Variants in CREB3L1 observed in about 807,000 individuals in gnomAD.
CREB3L1 encodes cAMP responsive element binding protein 3 like 1.
In CREB3L1, 33 loss-of-function variants were observed where a neutral mutation model predicts 54.5. That is an observed-to-expected ratio of 0.61 (90% CI 0.46 to 0.81). The LOEUF is 0.81. Ranked by LOEUF, CREB3L1 falls within the 30% of genes least tolerant of loss-of-function variation. The pLI is 0.00. For missense variants in CREB3L1, 656 were observed against 673.3 expected (o/e 0.97, Z 0.29); for synonymous variants, 284 against 286.4 (o/e 0.99, Z 0.08).
chr11:46,310,871 C>T, intron 4 of CREB3L1, 161 bp from the exon 5 acceptor site: 1 of 1,084,348 alleles, frequency 9.2e-7, no homozygotes, highest in South Asian at 2.1e-5. Flanking sequence ...GTCTTTCTGA[C>T]CCTGCAGAGG....
intron 2 of CREB3L1, among the ~76,000 whole-genome samples, chr11:46,306,276 G>A (rs1413469345): frequency 6.6e-6 from 1 of 152,138 alleles, no homozygotes; most frequent in Non-Finnish European, 1.5e-5. Flanking sequence ...AGCACTTCAG[G>A]AGGCCGAGGT....
rs772428697 is a variant in CREB3L1, at chr11:46,320,400, C to T, written c.1395C>T (p.Asp465=). ...PGGPAEQRPR[D]HLQHDHLDST... is the part of the protein sequence containing the mutation. ...GGCCGGCAGAGCAGCGGCCCCGGGA[C>T]CACCTGCAGCATGATCACCTGGACA... Residue 465 remains aspartate (D), a synonymous_variant, in exon 11 of 12, where the codon GAC becomes GAT. Transcript: ENST00000621158. 1.2e-6 allele frequency: 2 copies of T among 1,611,186 alleles called. No individual in the cohort carries two copies. Among genetic ancestry groups the T allele is most frequent in the Non-Finnish European group, 1.7e-6 (2 of 1,178,774 alleles).
At chr11:46,310,118 A>T in intron 4 of CREB3L1, 51 bp downstream of exon 4, 2 of 1,346,588 alleles carry the variant, frequency 1.5e-6, no homozygotes, top group Non-Finnish European at 2.1e-6. Flanking sequence ...ATAGGCAGAT[A>T]GCATCCCCAC....
chr11:46,308,453 C>T (rs2136352292), intron 3 of CREB3L1, among the ~76,000 whole-genome samples: 1 of 152,364 alleles, frequency 6.6e-6, no homozygotes, highest in Admixed American at 6.5e-5. Context: ...CCCACACTCT[C>T]AGGCTGAACT....
chr11:46,317,096 TCC>T (rs1433970296), intron 9 of CREB3L1, among the ~76,000 whole-genome samples: 34 of 152,212 alleles, frequency 2.2e-4, no homozygotes, highest in African/African-American at 7.7e-4. Flanking sequence ...GTAAGGGGAC[TCC>T]ACATTGGCCA....
At chr11:46,315,287 T>C in intron 8 of CREB3L1, 1 of 220,056 alleles carries the variant, frequency 4.5e-6, no homozygotes, top group Admixed American at 5.9e-5. Flanking sequence ...CCAAAGTAGG[T>C]CCAAGCCCTT....
chr11:46,313,290 C>T (rs534219867), intron 8 of CREB3L1, among the ~76,000 whole-genome samples: 7 of 152,296 alleles, frequency 4.6e-5, no homozygotes, highest in African/African-American at 4.8e-5. Context: ...AAGCCCTCCA[C>T]GTAATTAGGT....
At chr11:46,280,148 A>T (rs1938945364) in intron 1 of CREB3L1, among the ~76,000 whole-genome samples, 1 of 150,848 alleles carries the variant, frequency 6.6e-6, no homozygotes, top group African/African-American at 2.4e-5. Context: ...GGGACAATTC[A>T]GAAAAGTGAC....
At chr11:46,317,104 G>A (rs1043145085) in intron 9 of CREB3L1, among the ~76,000 whole-genome samples, 2 of 152,156 alleles carry the variant, frequency 1.3e-5, no homozygotes, top group Non-Finnish European at 2.9e-5. Context: ...ACTCCACATT[G>A]GCCACTTCCC....
intron 3 of CREB3L1, among the ~76,000 whole-genome samples, chr11:46,309,168 A>G (rs1240309767): frequency 1.3e-5 from 2 of 152,150 alleles, no homozygotes; most frequent in African/African-American, 4.8e-5. Flanking sequence ...GATGTAGACC[A>G]AGGAATCTCC....
intron 1 of CREB3L1, among the ~76,000 whole-genome samples, chr11:46,299,668 A>G (rs548376810): frequency 5.9e-5 from 9 of 152,304 alleles, no homozygotes; most frequent in Admixed American, 2.0e-4. Flanking sequence ...TCACCCTTGC[A>G]GATAACAATG....
At chr11:46,313,830 C>T (rs546377007) in intron 8 of CREB3L1, among the ~76,000 whole-genome samples, 3 of 152,168 alleles carry the variant, frequency 2.0e-5, no homozygotes, top group African/African-American at 7.2e-5. Context: ...GTAGCAGCCA[C>T]GTCAAGTCAC....
chr11:46,301,392 C>T (rs1399718658), intron 2 of CREB3L1, among the ~76,000 whole-genome samples: 3 of 151,992 alleles, frequency 2.0e-5, no homozygotes, highest in Admixed American at 6.6e-5. Context: ...AATCCCAGCA[C>T]TCTGGGAGGC....
intron 2 of CREB3L1, among the ~76,000 whole-genome samples, chr11:46,303,226 C>T (rs982349931): frequency 1.3e-5 from 2 of 152,208 alleles, no homozygotes; most frequent in Non-Finnish European, 2.9e-5. Flanking sequence ...TACTTAACCT[C>T]TCTAGGCCTC....
At chr11:46,307,734 C>G (rs1939419929) in intron 2 of CREB3L1, 82 bp from the exon 3 acceptor site, 1 of 1,232,858 alleles carries the variant, frequency 8.1e-7, no homozygotes, top group Non-Finnish European at 1.1e-6. Context: ...CTCTTCAGTT[C>G]AGCCTAGGGT....
chr11:46,307,223 T>C (rs531486000), intron 2 of CREB3L1, among the ~76,000 whole-genome samples: 2 of 152,140 alleles, frequency 1.3e-5, no homozygotes, highest in East Asian at 1.9e-4. Flanking sequence ...GCTGGGATTA[T>C]AGACACACAC....
At chr11:46,307,151 T>A (rs1489419988) in intron 2 of CREB3L1, among the ~76,000 whole-genome samples, 6 of 151,922 alleles carry the variant, frequency 3.9e-5, no homozygotes, top group African/African-American at 1.5e-4. Flanking sequence ...AGAACTGGAG[T>A]ACAGGCATGA....
intron 1 of CREB3L1, among the ~76,000 whole-genome samples, chr11:46,297,205 C>A: frequency 6.6e-6 from 1 of 152,210 alleles, no homozygotes; most frequent in East Asian, 1.9e-4. Flanking sequence ...GTAGCCAGCG[C>A]GGCCCTGGCT....
At chr11:46,304,795 G>A (rs368060229) in intron 2 of CREB3L1, among the ~76,000 whole-genome samples, 3 of 151,982 alleles carry the variant, frequency 2.0e-5, no homozygotes, top group Admixed American at 1.3e-4. Flanking sequence ...GGCCTCAAGC[G>A]ATCCTCCCAC....
Sources: allele counts gnomAD v4.1 joint callset (sites outside exome capture counted in the v4.1 genomes callset), GRCh38; gene constraint gnomAD v4.1.1; transcripts MANE v1.5; gene names NCBI Gene and HGNC (gene_info 2026-07-23, HGNC 2026-07-21).